The following WDR44 variants were observed in gnomAD, a reference collection of about 807,000 sequenced individuals.
The protein encoded by WDR44 is WD repeat domain 44.
A neutral mutation model predicts 65.7 loss-of-function variants in WDR44; 9 were observed. That is an observed-to-expected ratio of 0.14 (90% CI 0.08 to 0.24). WDR44 has a LOEUF of 0.24. Ranked by LOEUF, WDR44 falls within the 10% of genes least tolerant of loss-of-function variation. WDR44 has a pLI of 1.00. For missense variants in WDR44, 425 were observed against 670.9 expected (o/e 0.63, Z 4.05); for synonymous variants, 220 against 235.2 (o/e 0.94, Z 0.59).
At chrX:118,364,112 A>T in intron 1 of WDR44, among the ~76,000 whole-genome samples, 1 of 112,477 alleles carries the variant, frequency 8.9e-6, no homozygotes, top group Non-Finnish European at 1.9e-5. Context: ...GGAACAAAAA[A>T]TCAGAAATCT....
At chrX:118,394,720 C>T (rs2056851051) in intron 5 of WDR44, among the ~76,000 whole-genome samples, 1 of 111,440 alleles carries the variant, frequency 9.0e-6, no homozygotes, top group Admixed American at 9.6e-5. Context: ...CAGGCTACCA[C>T]ACTAGAATAT....
intron 14 of WDR44, among the ~76,000 whole-genome samples, chrX:118,437,607 A>G (rs2057264352): frequency 8.9e-6 from 1 of 112,377 alleles, no homozygotes; most frequent in Non-Finnish European, 1.9e-5. Flanking sequence ...AACACACATT[A>G]TCTTTTTAAT....
At chrX:118,370,645 G>A (rs1183869624) in intron 1 of WDR44, among the ~76,000 whole-genome samples, 2 of 109,062 alleles carry the variant, frequency 1.8e-5, no homozygotes, top group African/African-American at 6.7e-5. Flanking sequence ...GTGCAGTGGC[G>A]CAATGTCGGC....
At chrX:118,409,432 A>G (rs913074942) in intron 10 of WDR44, 57 bp from the exon 11 acceptor site, 59 of 1,166,286 alleles carry the variant, frequency 5.1e-5, no homozygotes, top group Non-Finnish European at 6.7e-5. Context: ...GCCAGGCCAA[A>G]AGTAAAGTCT....
chrX:118,409,791 C>G (rs776278993), intron 11 of WDR44, among the ~76,000 whole-genome samples, 164 bp downstream of exon 11: 1 of 111,836 alleles, frequency 8.9e-6, no homozygotes, highest in East Asian at 2.8e-4. Flanking sequence ...TCTCTAAACC[C>G]AATGAAAAGA....
intron 14 of WDR44, among the ~76,000 whole-genome samples, chrX:118,438,172 C>A (rs2057270205): frequency 9.0e-6 from 1 of 111,202 alleles, no homozygotes; most frequent in Admixed American, 9.6e-5. Context: ...AGTGAGACCC[C>A]ACCTTTATCA....
intron 7 of WDR44, among the ~76,000 whole-genome samples, chrX:118,397,913 C>G (rs770678914): frequency 8.9e-6 from 1 of 112,202 alleles, no homozygotes; most frequent in South Asian, 3.7e-4. Flanking sequence ...ATTTCTGAAG[C>G]CTTTAAGTTG....
rs765586983 is a variant in WDR44 at position 118,398,393 on chromosome X, C to T, written c.1197C>T (p.Asp399=). 14 of 1,206,937 alleles carry T rather than the reference C, an allele frequency of 1.2e-5. No individual in the cohort carries two copies. The South Asian group carries it at 1.6e-4, about 14-fold the overall frequency. The change falls in exon 8 of 20, where the codon GAC becomes GAT. Residue 399 remains aspartate (D), a synonymous_variant. Transcript: ENST00000254029. ...CAACTTCCCCTTCTTACAGTAATGA[C>T]GCGGCACAGTCAGATGATGAAGAGA... ...MRRTKEYVSN[D]AAQSDDEEKL...
At chrX:118,436,906 C>A in intron 14 of WDR44, 82 bp downstream of exon 14, 1 of 951,759 alleles carries the variant, frequency 1.1e-6, no homozygotes, top group Non-Finnish European at 1.4e-6. Context: ...AATTGGACTA[C>A]AGGAAAAAAA....
At chrX:118,430,538 TA>T (rs1181185869) in intron 12 of WDR44, among the ~76,000 whole-genome samples, 229 of 90,126 alleles carry the variant, frequency 2.5e-3, no homozygotes, top group Admixed American at 3.0e-3. Flanking sequence ...AGACTCCATC[TA>T]AAAAAAAAAA....
chrX:118,357,692 G>A (rs1409545295), intron 1 of WDR44, among the ~76,000 whole-genome samples: 1 of 110,207 alleles, frequency 9.1e-6, no homozygotes, highest in East Asian at 2.8e-4. Context: ...GACCACGCTG[G>A]CCAACATAGT....
chrX:118,412,784 G>A (rs941514155), intron 12 of WDR44, among the ~76,000 whole-genome samples: 3 of 111,218 alleles, frequency 2.7e-5, no homozygotes, highest in African/African-American at 9.8e-5. Context: ...AGTGATTTTG[G>A]TGCACCCATC....
At position 118,442,176 on chromosome X, in the gene WDR44, G is replaced by C. The variant is rs189367571; in HGVS notation, c.2167-68G>C. The C allele has an allele frequency of 1.3e-3, 1,252 of 961,302 alleles. 15 individuals carry two copies. The African/African-American group carries it at 0.02, about 15-fold the overall frequency. 79.2% of individuals were successfully genotyped at this position (961,302 alleles called of 1,213,427 possible). On this transcript the variant is annotated intron_variant, in intron 15 of 19. Transcript: ENST00000254029. ...CCTGCCTCAGCCTCCTGAGTAGCTA[G>C]AGTTACAGATACGAGCCACCACACA... is the stretch of plus-strand genomic sequence containing the variant.
intron 14 of WDR44, among the ~76,000 whole-genome samples, chrX:118,439,483 G>A (rs1378544214): frequency 9.1e-6 from 1 of 110,261 alleles, no homozygotes; most frequent in African/African-American, 3.3e-5. Context: ...GGCTGAGGCA[G>A]GAGAATTGCT....
intron 14 of WDR44, among the ~76,000 whole-genome samples, chrX:118,438,459 G>T (rs944010297): frequency 4.5e-5 from 5 of 110,588 alleles, no homozygotes; most frequent in African/African-American, 1.6e-4. Flanking sequence ...TGGAGACAGG[G>T]TATCACTTTG....
rs761841972 is a variant in WDR44, at chrX:118,374,165, A to G, written c.78-4254A>G. On this transcript the variant is annotated intron_variant, in intron 1 of 19. Transcript: ENST00000254029. ...CATATGTTCTCATTGTTCAGCTCCC[A>G]CTTATGAGTGAGAATATGCGGTGCT... Among the ~76,000 whole-genome samples, 5 of 104,567 alleles carry G rather than the reference A, an allele frequency of 4.8e-5. No individual in the cohort carries two copies. The South Asian group carries it at 1.7e-3, about 36-fold the overall frequency. The allele number at this position is 104,567 out of a possible 115,157, so 90.8% of individuals were successfully genotyped here.
At chrX:118,409,361 C>G in intron 10 of WDR44, 128 bp from the exon 11 acceptor site, 3 of 659,260 alleles carry the variant, frequency 4.6e-6, no homozygotes, top group East Asian at 8.0e-5. Flanking sequence ...AACTCCTGAC[C>G]TTAGGTGATC....
intron 1 of WDR44, among the ~76,000 whole-genome samples, chrX:118,358,663 C>G (rs1326810993): frequency 8.9e-6 from 1 of 111,813 alleles, no homozygotes; most frequent in Non-Finnish European, 1.9e-5. Flanking sequence ...CGAGATCGCA[C>G]CACTGCACTC....
chrX:118,437,950 C>A (rs1037557680), intron 14 of WDR44, among the ~76,000 whole-genome samples: 6 of 110,408 alleles, frequency 5.4e-5, no homozygotes, highest in Non-Finnish European at 9.5e-5. Context: ...GCAAGAGAAT[C>A]ACTTGAACCC....
Sources: gnomAD v4.1 joint callset for allele counts (sites outside exome capture counted in the v4.1 genomes callset) on GRCh38, gnomAD v4.1.1 for gene constraint, MANE v1.5 for transcripts, NCBI Gene and HGNC (gene_info 2026-07-23, HGNC 2026-07-21) for gene names.